NPEPPS: variants seen among roughly 807,000 people sequenced by gnomAD.
NPEPPS encodes puromycin-sensitive aminopeptidase.
In NPEPPS, 14 loss-of-function variants were observed where a neutral mutation model predicts 115.5. The ratio of observed to expected loss-of-function variants is 0.12; its 90% CI spans 0.08 to 0.19. NPEPPS has a LOEUF of 0.19. Among genes scored for constraint, NPEPPS ranks in the 10% least tolerant of loss-of-function variants. The pLI, the probability that NPEPPS is intolerant of heterozygous loss-of-function variation, is 1.00. For synonymous variants in NPEPPS, 285 were observed against 390.6 expected (o/e 0.73, Z 3.19); for missense variants, 523 against 1,110.8 (o/e 0.47, Z 7.52).
intron 13 of NPEPPS, among the ~76,000 whole-genome samples, chr17:47,597,047 CA>C (rs201747090): frequency 8.6e-4 from 112 of 130,706 alleles, no homozygotes; most frequent in Middle Eastern, 4.0e-3. Context: ...GACTTCGTCT[CA>C]AAAAAAAAAA....
intron 2 of NPEPPS, among the ~76,000 whole-genome samples, chr17:47,550,070 G>A (rs561268056): frequency 3.3e-4 from 50 of 150,604 alleles, no homozygotes; most frequent in African/African-American, 1.2e-3. Flanking sequence ...CAGCATCTGG[G>A]GCTATAGGCG....
intron 19 of NPEPPS, 32 bp downstream of exon 19, chr17:47,613,757 G>T (rs1439370586): frequency 6.5e-7 from 1 of 1,549,084 alleles, no homozygotes. Flanking sequence ...CCCATTTCCT[G>T]CTTTTGAACT....
At position 47,605,363 on chromosome 17, in the gene NPEPPS, G is replaced by A; in HGVS notation, c.1906G>A (p.Val636Ile). 6.2e-7 allele frequency: 1 copy of A among 1,610,670 alleles called. No homozygotes were observed. Among genetic ancestry groups the A allele is most frequent in the African/African-American group, 1.3e-5 (1 of 74,996 alleles). The change falls in exon 17 of 23, where the codon GTT becomes ATT. Residue 636 changes from valine (V) to isoleucine (I), a missense_variant. Around this residue, in one of 4 missense-constraint regions of NPEPPS, gnomAD observed 372 missense variants for 542.6 expected, o/e 0.69. Transcript: ENST00000322157. Reference sequence around the variant, plus strand: ...AGCTGGAATCATTAGCACTGTAGAGGTTCTAAAAGTCATGGAGGCTTTTGT... The same window carrying A: ...AGCTGGAATCATTAGCACTGTAGAGATTCTAAAAGTCATGGAGGCTTTTGT... The part of the protein sequence containing the change: ...ARAGIISTVE[V>I]LKVMEAFVNE...
At chr17:47,617,281 G>A (rs1220797884) in intron 19 of NPEPPS, among the ~76,000 whole-genome samples, 5 of 152,090 alleles carry the variant, frequency 3.3e-5, no homozygotes, top group Non-Finnish European at 5.9e-5. Context: ...GTTAAAAAGT[G>A]TGAAGATGCA....
chr17:47,555,981 CTTTTTT>C (rs886460288), intron 2 of NPEPPS, among the ~76,000 whole-genome samples: 640 of 63,032 alleles, frequency 0.01, 3 homozygotes, highest in Non-Finnish European at 0.018. Context: ...TTCTGTTTTA[CTTTTTT>C]TTTTTTTTTT....
intron 3 of NPEPPS, among the ~76,000 whole-genome samples, chr17:47,569,980 G>A (rs759823288): frequency 7.2e-5 from 11 of 152,086 alleles, no homozygotes; most frequent in African/African-American, 2.4e-4. Flanking sequence ...TTCCTTCTGC[G>A]GAAGTTGGGC....
chr17:47,602,994 G>A (rs533034134), intron 15 of NPEPPS, among the ~76,000 whole-genome samples: 75 of 152,108 alleles, frequency 4.9e-4, no homozygotes, highest in Non-Finnish European at 8.5e-4. Context: ...CGTTAAAATT[G>A]TAGGGGTGGT....
chr17:47,587,622 A>C (rs570662977), intron 9 of NPEPPS, among the ~76,000 whole-genome samples: 70 of 152,200 alleles, frequency 4.6e-4, no homozygotes, highest in Admixed American at 1.4e-3. Flanking sequence ...GGTGAGAGAA[A>C]AACATTCCTC....
At chr17:47,568,416 A>G (rs1357267961) in intron 2 of NPEPPS, among the ~76,000 whole-genome samples, 4 of 151,886 alleles carry the variant, frequency 2.6e-5, no homozygotes, top group Non-Finnish European at 4.4e-5. Context: ...GGTGATCCAC[A>G]CGCCTCGGCC....
chr17:47,605,655 T>C (rs1913469987), intron 17 of NPEPPS, 103 bp downstream of exon 17: 3 of 757,376 alleles, frequency 4.0e-6, no homozygotes, highest in Non-Finnish European at 4.3e-6. Context: ...TGGATGTTAC[T>C]ATATATTCAG....
chr17:47,587,811 A>T (rs6423416), intron 9 of NPEPPS, among the ~76,000 whole-genome samples: 67,880 of 151,310 alleles, frequency 0.45, 16,195 homozygotes, highest in East Asian at 0.55. Context: ...TTAAGTTGAA[A>T]TTTAATGAAA....
upstream of NPEPPS, among the ~76,000 whole-genome samples, chr17:47,526,881 C>A (rs963547622): frequency 9.2e-5 from 14 of 152,154 alleles, no homozygotes; most frequent in Admixed American, 9.2e-4. Flanking sequence ...TGGCTTGAAC[C>A]TGGGAGGCGG....
At chr17:47,566,749 A>G (rs984174689) in intron 2 of NPEPPS, among the ~76,000 whole-genome samples, 32 of 151,492 alleles carry the variant, frequency 2.1e-4, no homozygotes, top group Non-Finnish European at 1.5e-5. Context: ...TAAGCATTGA[A>G]GTGATTCTTG....
Position 47,621,943 on chromosome 17 carries a change from G to C in NPEPPS, c.*23G>C, listed in dbSNP as rs766339983. ...TGAATCCTGAGGTGCCGCCATTGGC[G>C]GTTCTGCTGCTTCGCTGCAGGGATA... On this transcript the variant is annotated 3_prime_UTR_variant, in exon 23 of 23. Coordinates refer to ENST00000322157, the MANE Select transcript of NPEPPS (RefSeq NM_006310.4). The C allele has an allele frequency of 8.8e-6, 14 of 1,594,144 alleles. No individual in the cohort carries two copies. The East Asian group carries it at 1.4e-4, about 15-fold the overall frequency.
chr17:47,529,145 G>T (rs866256351), upstream of NPEPPS, among the ~76,000 whole-genome samples: 1 of 152,142 alleles, frequency 6.6e-6, no homozygotes, highest in Middle Eastern at 3.4e-3. Flanking sequence ...GAAATTACTG[G>T]GTTCTATCTG....
chr17:47,606,498 C>T (rs1212783930), intron 17 of NPEPPS, among the ~76,000 whole-genome samples: 1 of 151,478 alleles, frequency 6.6e-6, no homozygotes, highest in Non-Finnish European at 1.5e-5. Flanking sequence ...ACTCTTGTCA[C>T]CCAGGCTGGA....
intron 1 of NPEPPS, among the ~76,000 whole-genome samples, chr17:47,537,900 T>C (rs1286972188): frequency 1.3e-5 from 2 of 151,682 alleles, no homozygotes; most frequent in Non-Finnish European, 1.5e-5. Context: ...TTTTTCTTTT[T>C]TTTTTCTTTT....
At chr17:47,579,553 A>G (rs1227613223) in intron 4 of NPEPPS, 42 bp downstream of exon 4, 4 of 1,537,694 alleles carry the variant, frequency 2.6e-6, no homozygotes, top group African/African-American at 1.4e-5. Context: ...TTCTTAAATT[A>G]GGCATTCTGA....
chr17:47,550,494 T>A (rs1390873703), intron 2 of NPEPPS, among the ~76,000 whole-genome samples: 2 of 150,498 alleles, frequency 1.3e-5, no homozygotes, highest in African/African-American at 4.9e-5. Context: ...GCTGTTTGGA[T>A]ATTAGTTATG....
Sources: gnomAD v4.1 joint callset for allele counts (sites outside exome capture counted in the v4.1 genomes callset) on GRCh38, gnomAD v4.1.1 for gene constraint, gnomAD v4.1.1 regional missense constraint, MANE v1.5 for transcripts, NCBI Gene and HGNC (gene_info 2026-07-23, HGNC 2026-07-21) for gene names.